The following TRIM32 variants were observed in gnomAD, a reference collection of about 807,000 sequenced individuals.
TRIM32 encodes the protein E3 ubiquitin-protein ligase TRIM32.
In TRIM32, 19 loss-of-function variants were observed where a neutral mutation model predicts 36.0. That is an observed-to-expected ratio of 0.53 (90% CI 0.37 to 0.77). The LOEUF (loss-of-function observed/expected upper bound fraction) is 0.77, where lower values mean the gene tolerates loss of function less well. TRIM32 is among the 30% of genes least tolerant of loss of function. The pLI is 0.00. For missense variants in TRIM32, 747 were observed against 845.2 expected (o/e 0.88, Z 1.44); for synonymous variants, 309 against 318.5 (o/e 0.97, Z 0.32).
chr9:116,699,401 C>G lies in TRIM32; in HGVS notation c.1659C>G (p.Gly553=), dbSNP rs150318692. 1.2e-6 allele frequency: 2 copies of G among 1,614,168 alleles called. No homozygotes were observed. Among genetic ancestry groups the G allele is most frequent in the African/African-American group, 1.3e-5 (1 of 75,048 alleles). The part of the protein sequence containing the change: ...EHHLEGGFSI[G]SVGPDGQLGR... ...ACCTGGAGGGTGGCTTTTCCATTGG[C>G]TCTGTAGGCCCTGATGGGCAGCTGG... Residue 553 remains glycine, a synonymous_variant, in exon 2 of 2, where the codon GGC becomes GGG. Transcript: ENST00000450136. This position sits in a 1 kb window ranked among gnomAD's most constrained non-coding sequence, Gnocchi z 4.2.
intron 1 of TRIM32, among the ~76,000 whole-genome samples, chr9:116,690,646 A>G (rs1330373442): frequency 6.6e-6 from 1 of 152,196 alleles, no homozygotes; most frequent in African/African-American, 2.4e-5. Flanking sequence ...CTAGGGAACT[A>G]TGAAACATCC....
intron 1 of TRIM32, among the ~76,000 whole-genome samples, chr9:116,690,195 G>A (rs940785717): frequency 2.6e-5 from 4 of 152,302 alleles, no homozygotes; most frequent in African/African-American, 9.6e-5. Context: ...TGTCCTGTCA[G>A]CCTCAATCTA....
chr9:116,696,132 C>T lies in TRIM32; in HGVS notation c.-81-1530C>T, dbSNP rs544675318. Reference sequence around the variant, plus strand: ...TATCATCTTCCTGCTTCAAAACATTCATCACCTCACCATGCCCTTGAAAAT... The same window carrying T: ...TATCATCTTCCTGCTTCAAAACATTTATCACCTCACCATGCCCTTGAAAAT... On this transcript the variant is annotated intron_variant, in intron 1 of 1. Coordinates refer to ENST00000450136, the MANE Select transcript of TRIM32 (RefSeq NM_012210.4). 1.1e-4 allele frequency among the ~76,000 whole-genome samples: 16 copies of T among 152,292 alleles called. No homozygotes were observed. The South Asian group carries it at 2.9e-3, about 28-fold the overall frequency.
intron 1 of TRIM32, among the ~76,000 whole-genome samples, chr9:116,694,625 T>C (rs1174228782): frequency 1.0e-5 from 1 of 95,904 alleles, no homozygotes; most frequent in African/African-American, 4.2e-5. Context: ...CACGCCCAGC[T>C]AATTTTTTTT....
intron 1 of TRIM32, among the ~76,000 whole-genome samples, chr9:116,690,013 A>G (rs1364053802): frequency 6.6e-6 from 1 of 152,164 alleles, no homozygotes; most frequent in Non-Finnish European, 1.5e-5. Context: ...AGGACTAGCT[A>G]CAGGGTTGCT....
At chr9:116,696,877 T>C (rs1212008639) in intron 1 of TRIM32, among the ~76,000 whole-genome samples, 1 of 149,812 alleles carries the variant, frequency 6.7e-6, no homozygotes, top group Non-Finnish European at 1.5e-5. Flanking sequence ...CTAAAACTAA[T>C]CATCACAATT....
chr9:116,694,675 C>G (rs803935), intron 1 of TRIM32, among the ~76,000 whole-genome samples: 105,901 of 145,982 alleles, frequency 0.73, 38,541 homozygotes, highest in East Asian at 0.87. Flanking sequence ...GTTTCACCGT[C>G]TTAGCCAGGA....
In TRIM32 at chr9:116,698,680, C is replaced by T. The variant is rs794727284; in HGVS notation, c.938C>T (p.Ala313Val). ...GATTCCTGGGCCATGGAGGCCACAGCGTCTGCTGCCTCTACCTCTGTTACT... is the reference window on the plus strand; with the variant it reads ...GATTCCTGGGCCATGGAGGCCACAGTGTCTGCTGCCTCTACCTCTGTTACT... ...VEDSWAMEATASAASTSVTFR... is the reference protein window; with the variant it reads ...VEDSWAMEATVSAASTSVTFR... The change falls in exon 2 of 2, where the codon GCG (alanine) becomes GTG (valine). Residue 313 changes from alanine (A) to valine (V), a missense_variant. Transcript: ENST00000450136. This position sits in a 1 kb window ranked among gnomAD's most constrained non-coding sequence, Gnocchi z 4.4. The T allele has an allele frequency of 2.2e-5, 36 of 1,614,034 alleles. No homozygotes were observed. Among genetic ancestry groups the T allele is most frequent in the Admixed American group, 3.3e-5 (2 of 60,008 alleles).
chr9:116,693,181 G>A (rs913227768), intron 1 of TRIM32, among the ~76,000 whole-genome samples: 2 of 151,966 alleles, frequency 1.3e-5, no homozygotes, highest in Admixed American at 1.3e-4. Flanking sequence ...TACACCTAAG[G>A]GTATCAGGCT....
intron 1 of TRIM32, among the ~76,000 whole-genome samples, chr9:116,691,654 A>G (rs914155159): frequency 8.5e-5 from 13 of 152,166 alleles, no homozygotes; most frequent in Admixed American, 3.3e-4. Flanking sequence ...TGTTGAGTTT[A>G]TCTTAGTTGT....
Position 116,697,769 on chromosome 9 carries a change from G to C in TRIM32, c.27G>C (p.Leu9=), listed in dbSNP as rs201891227. The C allele has an allele frequency of 4.6e-5, 74 of 1,613,970 alleles. No homozygotes were observed. The highest frequency in any genetic ancestry group is 2.2e-4 in the Admixed American group (13 of 60,000). ...TGGCTGCAGCAGCAGCTTCTCACCT[G>C]AACCTGGATGCCCTCCGGGAAGTGC... The part of the protein sequence containing the change: MAAAAASH[L]NLDALREVLE... Residue 9 remains leucine (L), a synonymous_variant, in exon 2 of 2, where the codon CTG becomes CTC. Coordinates refer to ENST00000450136, the MANE Select transcript of TRIM32 (RefSeq NM_012210.4).
At chr9:116,692,277 G>A (rs1016837315) in intron 1 of TRIM32, among the ~76,000 whole-genome samples, 2 of 152,018 alleles carry the variant, frequency 1.3e-5, no homozygotes, top group Admixed American at 1.3e-4. Flanking sequence ...TTTCTAGGAG[G>A]GCTTAGAATT....
chr9:116,688,959 G>A (rs803944), intron 1 of TRIM32, among the ~76,000 whole-genome samples: 17,459 of 152,124 alleles, frequency 0.11, 1,062 homozygotes, highest in East Asian at 0.15. Flanking sequence ...ACCAAGTCTG[G>A]CTTTGTCTCC....
chr9:116,698,488 C>A lies in TRIM32; in HGVS notation c.746C>A (p.Ala249Glu). 1 of 1,613,876 alleles carries A rather than the reference C, an allele frequency of 6.2e-7. No individual in the cohort carries two copies. The highest frequency in any genetic ancestry group is 1.3e-5 in the African/African-American group (1 of 75,024). Residue 249 changes from alanine (A) to glutamate (E), a missense_variant, in exon 2 of 2, where the codon GCA becomes GAA. Transcript: ENST00000450136. The surrounding 1 kb of genome is among the most constrained non-coding windows in gnomAD (Gnocchi z 4.4). ...CDYFLAKIKQ[A>E]DVALLEETAD... Reference sequence around the variant, plus strand: ...TACTTCCTGGCCAAGATCAAGCAGGCAGATGTAGCACTACTGGAGGAGACA... The same window carrying A: ...TACTTCCTGGCCAAGATCAAGCAGGAAGATGTAGCACTACTGGAGGAGACA...
intron 1 of TRIM32, among the ~76,000 whole-genome samples, chr9:116,696,351 T>TA (rs1554732290): frequency 1.3e-5 from 2 of 152,214 alleles, no homozygotes; most frequent in African/African-American, 4.8e-5. Flanking sequence ...ACACTCTATA[T>TA]ATTATTTCAT....
Position 116,698,840 on chromosome 9 carries a change from C to T in TRIM32, c.1098C>T (p.Ser366=). 6.2e-7 allele frequency: 1 copy of T among 1,614,228 alleles called. No individual in the cohort carries two copies. Among genetic ancestry groups the T allele is most frequent in the Non-Finnish European group, 8.5e-7 (1 of 1,180,046 alleles). ...LFLKKMGAKG[S]TPGMFNLPVS... ...TCAAGAAGATGGGGGCCAAAGGCAG[C>T]ACTCCAGGAATGTTCAATCTTCCAG... Residue 366 remains serine, a synonymous_variant, in exon 2 of 2, where the codon AGC becomes AGT. Coordinates refer to ENST00000450136, the MANE Select transcript of TRIM32 (RefSeq NM_012210.4). This position sits in a 1 kb window ranked among gnomAD's most constrained non-coding sequence, Gnocchi z 4.4.
rs1215135171 is a variant in TRIM32, at chr9:116,698,723, G to A, written c.981G>A (p.Met327Ile). Residue 327 changes from methionine to isoleucine, a missense_variant, in exon 2 of 2, where the codon ATG becomes ATA. By Grantham distance (10) the Met-to-Ile change is conservative. Coordinates refer to ENST00000450136, the MANE Select transcript of TRIM32 (RefSeq NM_012210.4). The surrounding 1 kb of genome is among the most constrained non-coding windows in gnomAD (Gnocchi z 4.4). ...STSVTFREMD[M>I]SPEEVVASPR... ...CTGTTACTTTTAGAGAGATGGACAT[G>A]AGCCCGGAGGAAGTGGTTGCCAGCC... The A allele has an allele frequency of 1.2e-6, 2 of 1,614,190 alleles. No homozygotes were observed. Among genetic ancestry groups the A allele is most frequent in the Non-Finnish European group, 1.7e-6 (2 of 1,180,040 alleles).
In TRIM32 at chr9:116,699,498, C is replaced by T. The variant is rs768135611; in HGVS notation, c.1756C>T (p.Arg586Cys). Residue 586 changes from arginine to cysteine, a missense_variant, in exon 2 of 2, where the codon CGT becomes TGT. Transcript: ENST00000450136. The surrounding 1 kb of genome is among the most constrained non-coding windows in gnomAD (Gnocchi z 4.2). Reference sequence around the variant, plus strand: ...CATTGCTGGCATGTGTGTGGATGCTCGTGGTGATCTCATCGTGGCTGACAG... The same window carrying T: ...CATTGCTGGCATGTGTGTGGATGCTTGTGGTGATCTCATCGTGGCTGACAG... The part of the protein sequence containing the change: ...RCIAGMCVDA[R>C]GDLIVADSSR... 3.7e-6 allele frequency: 6 copies of T among 1,613,634 alleles called. No individual in the cohort carries two copies. The highest frequency in any genetic ancestry group is 1.7e-5 in the Admixed American group (1 of 59,992).
intron 1 of TRIM32, among the ~76,000 whole-genome samples, chr9:116,696,471 G>T (rs1340313041): frequency 1.3e-5 from 2 of 151,988 alleles, no homozygotes; most frequent in East Asian, 1.9e-4. Context: ...GAAACTTCTT[G>T]TCCTTTCCTT....
Sources: allele counts gnomAD v4.1 joint callset (sites outside exome capture counted in the v4.1 genomes callset), GRCh38; gene constraint gnomAD v4.1.1; non-coding constraint Gnocchi (gnomAD v3.1); transcripts MANE v1.5; gene names NCBI Gene and HGNC (gene_info 2026-07-23, HGNC 2026-07-21).